CACNA1C: variants seen among roughly 807,000 people sequenced by gnomAD.
CACNA1C encodes the protein voltage-dependent L-type calcium channel subunit alpha-1C.
CACNA1C carries 30 observed loss-of-function variants against 229.0 expected under a neutral mutation model. That is an observed-to-expected ratio of 0.13 (90% CI 0.10 to 0.18). The LOEUF (loss-of-function observed/expected upper bound fraction) is 0.18, where lower values mean the gene tolerates loss of function less well. Ranked by LOEUF, CACNA1C falls within the 10% of genes least tolerant of loss-of-function variation. The pLI, the probability that CACNA1C is intolerant of heterozygous loss-of-function variation, is 1.00. For synonymous variants in CACNA1C, 1,114 were observed against 1,132.5 expected (o/e 0.98, Z 0.33); for missense variants, 1,658 against 2,845.0 (o/e 0.58, Z 9.49).
chr12:2,322,329 C>T (rs749687888), intron 3 of CACNA1C, among the ~76,000 whole-genome samples: 4 of 152,138 alleles, frequency 2.6e-5, no homozygotes, highest in Non-Finnish European at 1.5e-5. Context: ...CTTCAGAAGC[C>T]AGCAGGTGGA....
chr12:2,134,468 C>T (rs1371615129), intron 3 of CACNA1C, among the ~76,000 whole-genome samples: 1,770 of 120,934 alleles, frequency 0.015, no homozygotes, highest in African/African-American at 0.058. Context: ...CCATGTTTAG[C>T]GCTTCCTTCA....
At chr12:2,569,269 G>A (rs555696466) in intron 13 of CACNA1C, among the ~76,000 whole-genome samples, 1 of 152,256 alleles carries the variant, frequency 6.6e-6, no homozygotes, top group East Asian at 1.9e-4. Context: ...GGGAGTGGTG[G>A]AATCCATTTA....
intron 29 of CACNA1C, among the ~76,000 whole-genome samples, chr12:2,626,297 G>T (rs1458092736): frequency 6.6e-6 from 1 of 152,234 alleles, no homozygotes; most frequent in African/African-American, 2.4e-5. Context: ...AGGATGGGCT[G>T]TGGGAGCTTT....
At chr12:2,525,782 A>G (rs1034723832) in intron 9 of CACNA1C, among the ~76,000 whole-genome samples, 2 of 152,228 alleles carry the variant, frequency 1.3e-5, no homozygotes, top group Non-Finnish European at 2.9e-5. Flanking sequence ...TGACAGCTGC[A>G]GTGTTTCCAG....
At chr12:2,142,294 CCTAT>C (rs1173989024) in intron 3 of CACNA1C, among the ~76,000 whole-genome samples, 1 of 150,984 alleles carries the variant, frequency 6.6e-6, no homozygotes, top group Non-Finnish European at 1.5e-5. Context: ...CCGAAACCTC[CCTAT>C]CTTTCTGCCG....
chr12:2,299,491 C>T (rs7953122), intron 3 of CACNA1C, among the ~76,000 whole-genome samples: 11 of 152,062 alleles, frequency 7.2e-5, no homozygotes, highest in African/African-American at 2.7e-4. Flanking sequence ...ATGGCTAGTT[C>T]AGATGCTATG....
At position 2,309,324 on chromosome 12, in the gene CACNA1C, G is replaced by A. The variant is rs192010979; in HGVS notation, c.478-139652G>A. 7.2e-5 allele frequency among the ~76,000 whole-genome samples: 11 copies of A among 152,304 alleles called. No individual in the cohort carries two copies. In the East Asian group the frequency reaches 2.1e-3, roughly 29 times the overall value. On this transcript the variant is annotated intron_variant, in intron 3 of 46. Coordinates refer to ENST00000399655, the MANE Select transcript of CACNA1C (RefSeq NM_000719.7). Reference sequence around the variant, plus strand: ...AGAAGCAGAGAGTAGAACATGTGTTGCCAGGGCTAAAGGGGCTTGGGGGAA... The same window carrying A: ...AGAAGCAGAGAGTAGAACATGTGTTACCAGGGCTAAAGGGGCTTGGGGGAA...
In CACNA1C at chr12:2,606,560, T is replaced by C. The variant is rs111487482; in HGVS notation, c.3157-51T>C. The C allele has an allele frequency of 1.3e-3, 1,882 of 1,464,328 alleles. 27 individuals are homozygous for C. In the African/African-American group the frequency reaches 0.023, roughly 18 times the overall value. 90.7% of individuals were successfully genotyped at this position (1,464,328 alleles called of 1,614,324 possible). ...GAGATGCTCACTAATTGCTTTTGGATTGACTCATTGATTACTGAACATCTC... is the reference window on the plus strand; with the variant it reads ...GAGATGCTCACTAATTGCTTTTGGACTGACTCATTGATTACTGAACATCTC... On this transcript the variant is annotated intron_variant, in intron 24 of 46. Transcript: ENST00000399655.
chr12:2,590,171 T>C (rs2064569623), intron 18 of CACNA1C, among the ~76,000 whole-genome samples: 1 of 152,118 alleles, frequency 6.6e-6, no homozygotes, highest in Admixed American at 6.5e-5. Flanking sequence ...TGTCTTTACT[T>C]TATGTGGCCA....
intron 9 of CACNA1C, among the ~76,000 whole-genome samples, chr12:2,529,221 C>T (rs2099835168): frequency 6.6e-6 from 1 of 152,212 alleles, no homozygotes; most frequent in Non-Finnish European, 1.5e-5. Flanking sequence ...ACCATCCCTT[C>T]CTTTTCTGCC....
chr12:2,634,437 T>A, intron 30 of CACNA1C, 57 bp downstream of exon 30: 1 of 765,950 alleles, frequency 1.3e-6, no homozygotes, highest in Non-Finnish European at 2.0e-6. Context: ...CTCATTTGCC[T>A]TTTCCCGGTT....
intron 30 of CACNA1C, among the ~76,000 whole-genome samples, chr12:2,640,380 G>A (rs2093519563): frequency 6.6e-6 from 1 of 152,210 alleles, no homozygotes. Context: ...CGGGACTTGG[G>A]GCGGAGCTGC....
intron 3 of CACNA1C, among the ~76,000 whole-genome samples, chr12:2,337,572 G>A (rs1310019615): frequency 1.3e-5 from 2 of 152,260 alleles, no homozygotes; most frequent in East Asian, 3.8e-4. Context: ...TTGGTGAAAT[G>A]TTTGGAGTGC....
At chr12:2,328,546 T>G (rs1317382922) in intron 3 of CACNA1C, among the ~76,000 whole-genome samples, 1 of 152,178 alleles carries the variant, frequency 6.6e-6, no homozygotes, top group African/African-American at 2.4e-5. Context: ...GGAAAGGCAT[T>G]AAGAACCCCA....
Position 2,504,647 on chromosome 12 carries a change from G to A in CACNA1C, c.1114-195G>A. ...AGGGATGGGACCCTGACAGGCCCAG[G>A]AAAACCACAACAAAGCCTCTGTTCA... On this transcript the variant is annotated intron_variant, in intron 7 of 46. Transcript: ENST00000399655. The surrounding 1 kb of genome is among the most constrained non-coding windows in gnomAD (Gnocchi z 6.8). The A allele has an allele frequency of 1.3e-6, 1 of 793,740 alleles. No individual in the cohort carries two copies. Among genetic ancestry groups the A allele is most frequent in the Non-Finnish European group, 2.2e-6 (1 of 450,882 alleles). 49.2% of individuals were successfully genotyped at this position (793,740 alleles called of 1,614,324 possible).
chr12:2,456,744 G>T (rs1041859245), intron 4 of CACNA1C, among the ~76,000 whole-genome samples: 1 of 152,166 alleles, frequency 6.6e-6, no homozygotes, highest in Non-Finnish European at 1.5e-5. Flanking sequence ...TCTCTGCAGA[G>T]CCCCTCCCCG....
At chr12:2,535,555 A>T (rs1395209063) in intron 9 of CACNA1C, among the ~76,000 whole-genome samples, 2 of 149,356 alleles carry the variant, frequency 1.3e-5, no homozygotes, top group African/African-American at 5.0e-5. Flanking sequence ...AAAACAAAAT[A>T]ATTAGCTGGG....
chr12:2,552,711 G>C (rs1395607836), intron 10 of CACNA1C, among the ~76,000 whole-genome samples: 1 of 152,164 alleles, frequency 6.6e-6, no homozygotes, highest in Admixed American at 6.5e-5. Flanking sequence ...TTGTGTGTGT[G>C]TTCTGGGGTG....
intron 6 of CACNA1C, among the ~76,000 whole-genome samples, chr12:2,489,752 G>T (rs957988511): frequency 3.3e-5 from 5 of 152,176 alleles, no homozygotes; most frequent in Non-Finnish European, 5.9e-5. Flanking sequence ...GTTTGTGTTG[G>T]TATTAACTGC....
Sources: allele counts gnomAD v4.1 joint callset (sites outside exome capture counted in the v4.1 genomes callset), GRCh38; gene constraint gnomAD v4.1.1; non-coding constraint Gnocchi (gnomAD v3.1); transcripts MANE v1.5; gene names NCBI Gene and HGNC (gene_info 2026-07-23, HGNC 2026-07-21).